Variants in COPRS observed in about 807,000 individuals in gnomAD.
COPRS encodes cooperator of PRMT5.
In COPRS, 11 loss-of-function variants were observed where a neutral mutation model predicts 19.9. The ratio of observed to expected loss-of-function variants is 0.55; its 90% CI spans 0.35 to 0.92. COPRS has a LOEUF of 0.92. Among genes scored for constraint, COPRS ranks in the 40% least tolerant of loss-of-function variants. The pLI is 0.01. For synonymous variants in COPRS, 81 were observed against 82.7 expected, an observed-to-expected ratio of 0.98 and a Z score of 0.11; for missense variants, 225 against 229.9, an observed-to-expected ratio of 0.98 and a Z score of 0.14.
chr17:31,858,325 C>A (rs2058934229), intron 1 of COPRS: 1 of 979,500 alleles, frequency 1.0e-6, no homozygotes, highest in African/African-American at 1.8e-5. Context: ...ATTCTGCACT[C>A]CAAAGTAATT....
rs1909201505 is a variant in COPRS at position 31,852,716 on chromosome 17, T to C, written c.385+96A>G. ...TGTAACAGATACCAGCCTAAGCTCA[T>C]AGATGTGGACCCCTGTTCCAAACTG... On this transcript the variant is annotated intron_variant, in intron 3 of 3. Coordinates refer to ENST00000302362, the MANE Select transcript of COPRS (RefSeq NM_018405.4). The C allele has an allele frequency of 7.0e-6, 6 of 856,070 alleles. 1 individual carries two copies. Among genetic ancestry groups the C allele is most frequent in the South Asian group, 4.0e-5 (3 of 75,338 alleles). 53.0% of individuals were successfully genotyped at this position (856,070 alleles called of 1,614,324 possible).
At chr17:31,855,955 T>C (rs972132967) in intron 2 of COPRS, among the ~76,000 whole-genome samples, 24 of 146,368 alleles carry the variant, frequency 1.6e-4, no homozygotes, top group Admixed American at 2.7e-4. Flanking sequence ...GATTGTGCCA[T>C]TGCACTCCAG....
At position 31,859,206 on chromosome 17, in the gene COPRS, C is replaced by T; in HGVS notation, c.-7G>A. ...CGGCGGCCTGAAGGTCCATGCCCTG[C>T]GGCCCGCGGCTGGTCGCCCTGGACG... is the stretch of plus-strand genomic sequence containing the variant. On this transcript the variant is annotated 5_prime_UTR_variant, in exon 1 of 4. Coordinates refer to ENST00000302362, the MANE Select transcript of COPRS (RefSeq NM_018405.4). 9.6e-7 allele frequency: 1 copy of T among 1,039,148 alleles called. No homozygotes were observed. The highest frequency in any genetic ancestry group is 5.5e-5 in the Admixed American group (1 of 18,284). 64.4% of individuals were successfully genotyped at this position (1,039,148 alleles called of 1,614,324 possible).
intron 1 of COPRS, 123 bp downstream of exon 1, chr17:31,858,978 G>C (rs1039982393): frequency 3.1e-5 from 42 of 1,357,008 alleles, no homozygotes; most frequent in Non-Finnish European, 3.4e-5. Flanking sequence ...TCCGTGTCGC[G>C]GGGCGGCCCG....
intron 1 of COPRS, among the ~76,000 whole-genome samples, chr17:31,857,383 T>A (rs1909395293): frequency 2.0e-5 from 3 of 152,242 alleles, no homozygotes; most frequent in Admixed American, 2.0e-4. Context: ...CACCCCCAGG[T>A]ACACGTTTTA....
At chr17:31,857,375 C>A (rs768124212) in intron 1 of COPRS, among the ~76,000 whole-genome samples, 1 of 152,202 alleles carries the variant, frequency 6.6e-6, no homozygotes, top group Non-Finnish European at 1.5e-5. Context: ...GCGGTTGCCA[C>A]CCCCAGGTAC....
chr17:31,853,181 CTTTGTA>C lies in COPRS; in HGVS notation c.167-157_167-152del. On this transcript the variant is annotated intron_variant, in intron 2 of 3. Coordinates refer to ENST00000302362, the MANE Select transcript of COPRS (RefSeq NM_018405.4). ...CGAGCACTTTTTTAAAAATGCACTT[CTTTGTA>C]TGTTTTTAAAAGAGCTGATAATTTA... 7 of 668,136 alleles carry C rather than the reference CTTTGTA, an allele frequency of 1.0e-5. No homozygotes were observed. The South Asian group carries it at 1.1e-4, about 11-fold the overall frequency. 41.4% of individuals were successfully genotyped at this position (668,136 alleles called of 1,614,324 possible). A position where few individuals can be genotyped will look rare whatever the true frequency, so the allele number is the denominator to read the frequency against.
intron 2 of COPRS, among the ~76,000 whole-genome samples, chr17:31,855,695 A>G (rs1400237114): frequency 6.6e-6 from 1 of 150,990 alleles, no homozygotes; most frequent in Non-Finnish European, 1.5e-5. Context: ...CAAAAAAAAA[A>G]AAGAAAAAGA....
rs1909174993 is a variant in COPRS at position 31,851,897 on chromosome 17, A to C, written c.*242T>G. On this transcript the variant is annotated 3_prime_UTR_variant, in exon 4 of 4. Coordinates refer to ENST00000302362, the MANE Select transcript of COPRS (RefSeq NM_018405.4). Reference sequence around the variant, plus strand: ...TTCTCTTTTTAACCTTTATTTACAAAGAACACAACTCCTCTTGACACAAAC... The same window carrying C: ...TTCTCTTTTTAACCTTTATTTACAACGAACACAACTCCTCTTGACACAAAC... 2.2e-6 allele frequency: 1 copy of C among 451,066 alleles called. No individual in the cohort carries two copies. The highest frequency in any genetic ancestry group is 4.0e-6 in the Non-Finnish European group (1 of 251,924). The allele number at this position is 451,066 out of a possible 1,614,324, so 27.9% of individuals were successfully genotyped here.
At chr17:31,852,783 T>C in intron 3 of COPRS, 29 bp downstream of exon 3, 4 of 1,546,958 alleles carry the variant, frequency 2.6e-6, no homozygotes, top group Non-Finnish European at 3.6e-6. Flanking sequence ...GAAGGCCTAG[T>C]TCAGGACCCC....
intron 2 of COPRS, among the ~76,000 whole-genome samples, chr17:31,856,233 G>C (rs961857671): frequency 6.6e-6 from 1 of 152,166 alleles, no homozygotes; most frequent in Non-Finnish European, 1.5e-5. Flanking sequence ...TACTCGGGAG[G>C]CTGAGGCAGG....
At chr17:31,858,293 C>G in intron 1 of COPRS, 1 of 870,216 alleles carries the variant, frequency 1.1e-6, no homozygotes, top group Non-Finnish European at 1.4e-6. Flanking sequence ...CTGCTATGCC[C>G]TGACAAAATT....
chr17:31,854,026 G>A (rs1909246684), intron 2 of COPRS, among the ~76,000 whole-genome samples: 1 of 152,124 alleles, frequency 6.6e-6, no homozygotes. Context: ...AGAGCAAGGG[G>A]TCTAAAGCCA....
intron 3 of COPRS, 81 bp downstream of exon 3, chr17:31,852,731 G>T: frequency 3.1e-6 from 3 of 978,098 alleles, no homozygotes; most frequent in Non-Finnish European, 5.0e-6. Flanking sequence ...GTGGACCCCT[G>T]TTCCAAACTG....
chr17:31,858,510 G>C (rs1050171760), intron 1 of COPRS: 1 of 593,632 alleles, frequency 1.7e-6, no homozygotes, highest in Non-Finnish European at 2.1e-6. Context: ...AGCCGGTACA[G>C]ACTGTAAACA....
chr17:31,858,259 C>T, intron 1 of COPRS: 1 of 556,666 alleles, frequency 1.8e-6, no homozygotes, highest in Non-Finnish European at 2.3e-6. Flanking sequence ...GCAGACACCA[C>T]CAGCCTCTCA....
At position 31,855,367 on chromosome 17, in the gene COPRS, C is replaced by T. The variant is rs8076057; in HGVS notation, c.166+1432G>A. ...CTAAAAACACAAAAAATTAGCCAGG[C>T]GTGGTGGCGGGTGCCTGTGGTCCCA... is the stretch of plus-strand genomic sequence containing the variant. On this transcript the variant is annotated intron_variant, in intron 2 of 3. Transcript: ENST00000302362. Among the ~76,000 whole-genome samples, 597 of 152,172 alleles carry T rather than the reference C, an allele frequency of 3.9e-3. 4 individuals are homozygous for T. The highest frequency in any genetic ancestry group is 0.013 in the African/African-American group (552 of 41,526).
chr17:31,854,522 C>A (rs891614969), intron 2 of COPRS, among the ~76,000 whole-genome samples: 1 of 152,040 alleles, frequency 6.6e-6, no homozygotes, highest in Non-Finnish European at 1.5e-5. Flanking sequence ...ATACTCACAG[C>A]AGCACTATTT....
chr17:31,857,934 T>C (rs1909413435), intron 1 of COPRS, among the ~76,000 whole-genome samples: 1 of 152,176 alleles, frequency 6.6e-6, no homozygotes, highest in Non-Finnish European at 1.5e-5. Context: ...GGTTTAATAA[T>C]TCAGTTCCAC....
Sources: allele counts gnomAD v4.1 joint callset (sites outside exome capture counted in the v4.1 genomes callset), GRCh38; gene constraint gnomAD v4.1.1; transcripts MANE v1.5; gene names NCBI Gene and HGNC (gene_info 2026-07-23, HGNC 2026-07-21).